Variants in MAF observed in about 807,000 individuals in gnomAD.
MAF encodes MAF bZIP transcription factor.
MAF carries 10 observed loss-of-function variants against 22.0 expected under a neutral mutation model. That is an observed-to-expected ratio of 0.45 (90% CI 0.28 to 0.77). The LOEUF is 0.77. Among genes scored for constraint, MAF ranks in the 30% least tolerant of loss-of-function variants. The pLI is 0.12. For synonymous variants in MAF, 337 were observed against 255.8 expected (o/e 1.32, Z -3.03); for missense variants, 544 against 548.4 (o/e 0.99, Z 0.08).
At chr16:79,589,409 G>A (rs763768747), downstream of MAF, among the ~76,000 whole-genome samples, 2 of 151,900 alleles carry the variant, frequency 1.3e-5, no homozygotes, top group Non-Finnish European at 2.9e-5. Context: ...TTTCCATAAA[G>A]ATTTTTAAAC....
At chr16:79,465,006 C>G in the MAF span, among the ~76,000 whole-genome samples, 7 of 152,280 alleles carry the variant, frequency 4.6e-5, no homozygotes, top group African/African-American at 1.7e-4. Flanking sequence ...TTTAGATGAA[C>G]TTCTAGGTGG....
the MAF span, among the ~76,000 whole-genome samples, chr16:79,338,857 G>C: frequency 6.6e-6 from 1 of 152,100 alleles, no homozygotes; most frequent in African/African-American, 2.4e-5. Context: ...TGGGTGAGCT[G>C]TCCACCTGTG....
the MAF span, among the ~76,000 whole-genome samples, chr16:79,465,081 G>A: frequency 6.6e-6 from 1 of 152,184 alleles, no homozygotes; most frequent in African/African-American, 2.4e-5. Flanking sequence ...AAGGTCCTGA[G>A]CAACCATCCT....
chr16:79,383,699 A>T, the MAF span, among the ~76,000 whole-genome samples: 1 of 152,164 alleles, frequency 6.6e-6, no homozygotes, highest in Non-Finnish European at 1.5e-5. Context: ...GGTGTCACAG[A>T]ACCCTGTGTT....
chr16:79,483,603 G>C, the MAF span, among the ~76,000 whole-genome samples: 1 of 152,026 alleles, frequency 6.6e-6, no homozygotes, highest in Non-Finnish European at 1.5e-5. Context: ...TGACAATTGA[G>C]AATGAGAATA....
At chr16:79,363,885 G>C in the MAF span, among the ~76,000 whole-genome samples, 1 of 152,154 alleles carries the variant, frequency 6.6e-6, no homozygotes, top group African/African-American at 2.4e-5. Flanking sequence ...ATGGCAAATA[G>C]CTCAGTATAG....
the MAF span, among the ~76,000 whole-genome samples, chr16:79,410,018 G>C: frequency 3.3e-5 from 5 of 152,104 alleles, no homozygotes; most frequent in Admixed American, 1.3e-4. Context: ...AGCTTAATAG[G>C]TACACAAGAT....
chr16:79,435,027 C>A, the MAF span, among the ~76,000 whole-genome samples: 1 of 152,172 alleles, frequency 6.6e-6, no homozygotes, highest in African/African-American at 2.4e-5. Flanking sequence ...TGGGTCCCAG[C>A]AGAGTGTGGA....
At chr16:79,229,260 T>G in the MAF span, 2 of 151,518 alleles carry the variant, frequency 1.3e-5, no homozygotes, top group Non-Finnish European at 1.5e-5. Context: ...CCCAACCCCT[T>G]GGAAACGGGT....
chr16:79,511,675 T>C, the MAF span, among the ~76,000 whole-genome samples: 3 of 152,176 alleles, frequency 2.0e-5, no homozygotes, highest in African/African-American at 4.8e-5. Flanking sequence ...ATTTATTGAG[T>C]GCTCACCAAT....
the MAF span, chr16:79,229,404 G>T: frequency 7.9e-5 from 12 of 152,114 alleles, no homozygotes; most frequent in Admixed American, 1.3e-4. Flanking sequence ...AGCTTTCCCT[G>T]TTAGCTAGAG....
At chr16:79,515,649 C>T in the MAF span, among the ~76,000 whole-genome samples, 3 of 152,160 alleles carry the variant, frequency 2.0e-5, no homozygotes, top group African/African-American at 7.2e-5. Flanking sequence ...TGAGAAGCGT[C>T]TGTATTTACA....
the MAF span, among the ~76,000 whole-genome samples, chr16:79,305,329 G>A: frequency 1.6e-4 from 24 of 152,302 alleles, no homozygotes; most frequent in Non-Finnish European, 2.8e-4. Context: ...TCTGCACAGG[G>A]GCACCAGGAC....
At chr16:79,255,096 A>T in the MAF span, among the ~76,000 whole-genome samples, 192 of 152,268 alleles carry the variant, frequency 1.3e-3, 1 homozygote, top group African/African-American at 4.5e-3. Context: ...CTTCTCTCTA[A>T]ACACACCAAG....
chr16:79,248,127 T>C, the MAF span, among the ~76,000 whole-genome samples: 11 of 152,106 alleles, frequency 7.2e-5, no homozygotes, highest in East Asian at 1.7e-3. Context: ...TTTCTTTGGA[T>C]CATAAAACAA....
At chr16:79,382,060 A>G in the MAF span, among the ~76,000 whole-genome samples, 1 of 152,180 alleles carries the variant, frequency 6.6e-6, no homozygotes, top group Non-Finnish European at 1.5e-5. Context: ...CTTTAGGTCA[A>G]AGTGAGACAT....
chr16:79,416,850 C>A, the MAF span, among the ~76,000 whole-genome samples: 1 of 152,128 alleles, frequency 6.6e-6, no homozygotes, highest in African/African-American at 2.4e-5. Context: ...AAAGGGGAGA[C>A]AATGAAGTGT....
At chr16:79,421,091 GTTCTA>G in the MAF span, among the ~76,000 whole-genome samples, 1 of 151,836 alleles carries the variant, frequency 6.6e-6, no homozygotes, top group Non-Finnish European at 1.5e-5. Context: ...TAATATAACT[GTTCTA>G]TTTTATTATT....
At chr16:79,574,890 G>A in the MAF span, among the ~76,000 whole-genome samples, 1 of 152,116 alleles carries the variant, frequency 6.6e-6, no homozygotes, top group Admixed American at 6.5e-5. Context: ...ATGCTGAGTT[G>A]TAAAACTCAG....
Sources: allele counts gnomAD v4.1 joint callset (sites outside exome capture counted in the v4.1 genomes callset), GRCh38; gene constraint gnomAD v4.1.1; transcripts MANE v1.5; gene names NCBI Gene and HGNC (gene_info 2026-07-23, HGNC 2026-07-21).